HSPA4L: variants seen among roughly 807,000 people sequenced by gnomAD.
The protein encoded by HSPA4L is heat shock protein family A (Hsp70) member 4 like.
A neutral mutation model predicts 100.3 loss-of-function variants in HSPA4L; 48 were observed. That is an observed-to-expected ratio of 0.48 (90% CI 0.38 to 0.61). HSPA4L has a LOEUF of 0.61. Among genes scored for constraint, HSPA4L ranks in the 20% least tolerant of loss-of-function variants. HSPA4L has a pLI of 0.00. For missense variants in HSPA4L, 886 were observed against 988.6 expected (o/e 0.90, Z 1.39); for synonymous variants, 319 against 328.2 (o/e 0.97, Z 0.30).
rs1159989081 is a variant in HSPA4L, at chr4:127,832,952, C to A, written c.*78C>A. 4.8e-6 allele frequency: 5 copies of A among 1,043,438 alleles called. No homozygotes were observed. In the South Asian group the frequency reaches 6.2e-5, roughly 13 times the overall value. The allele number at this position is 1,043,438 out of a possible 1,614,324, so 64.6% of individuals were successfully genotyped here. On this transcript the variant is annotated 3_prime_UTR_variant, in exon 19 of 19. Coordinates refer to ENST00000296464, the MANE Select transcript of HSPA4L (RefSeq NM_014278.4). ...CATCTTTTACATCTGGTACACACAA[C>A]AGACGCTCAGTTGTTCTTAACCACT... is the stretch of plus-strand genomic sequence containing the variant.
chr4:127,815,900 C>A (rs904818547), intron 12 of HSPA4L, among the ~76,000 whole-genome samples: 2 of 152,082 alleles, frequency 1.3e-5, no homozygotes, highest in Admixed American at 1.3e-4. Flanking sequence ...CAAAAGGCAG[C>A]TTAAGGGTAA....
In HSPA4L at chr4:127,810,173, A is replaced by C. The variant is rs377039504; in HGVS notation, c.1379-1264A>C. ...AAGGAAAGTGAGAATAGGAGATTGTAATATCCATTTTAACTGAGTGAACTT... is the reference window on the plus strand; with the variant it reads ...AAGGAAAGTGAGAATAGGAGATTGTCATATCCATTTTAACTGAGTGAACTT... On this transcript the variant is annotated intron_variant, in intron 11 of 18. Coordinates refer to ENST00000296464, the MANE Select transcript of HSPA4L (RefSeq NM_014278.4). Among the ~76,000 whole-genome samples, 26 of 152,332 alleles carry C rather than the reference A, an allele frequency of 1.7e-4. No individual in the cohort carries two copies. The East Asian group carries it at 2.9e-3, about 17-fold the overall frequency.
chr4:127,796,467 C>CTTA (rs1346956201), intron 3 of HSPA4L, among the ~76,000 whole-genome samples: 1 of 151,906 alleles, frequency 6.6e-6, no homozygotes, highest in African/African-American at 2.4e-5. Context: ...CACTCCTGGG[C>CTTA]TTATACTCAA....
intron 15 of HSPA4L, 136 bp from the exon 16 acceptor site, chr4:127,823,381 T>C: frequency 5.0e-6 from 3 of 605,984 alleles, no homozygotes; most frequent in Non-Finnish European, 8.8e-6. Context: ...AGTTCTGGGC[T>C]CAAGCGATCC....
At chr4:127,787,138 T>C (rs573475826) in intron 1 of HSPA4L, among the ~76,000 whole-genome samples, 1 of 152,292 alleles carries the variant, frequency 6.6e-6, no homozygotes, top group South Asian at 2.1e-4. Context: ...TCTGGAAATA[T>C]GGGAAAATGC....
At chr4:127,786,908 G>A (rs1179524496) in intron 1 of HSPA4L, among the ~76,000 whole-genome samples, 1 of 152,166 alleles carries the variant, frequency 6.6e-6, no homozygotes, top group Non-Finnish European at 1.5e-5. Flanking sequence ...ATTAATAATG[G>A]ATAGATACTT....
chr4:127,831,313 C>T (rs1734074908), intron 18 of HSPA4L, among the ~76,000 whole-genome samples: 1 of 151,812 alleles, frequency 6.6e-6, no homozygotes, highest in Admixed American at 6.6e-5. Flanking sequence ...CCAGCATAAA[C>T]AACATGGTGA....
At position 127,811,044 on chromosome 4, in the gene HSPA4L, A is replaced by C. The variant is rs188187434; in HGVS notation, c.1379-393A>C. Among the ~76,000 whole-genome samples, 3 of 152,300 alleles carry C rather than the reference A, an allele frequency of 2.0e-5. No homozygotes were observed. In the East Asian group the frequency reaches 5.8e-4, roughly 29 times the overall value. ...AATTACCAAGATGGTTATGATTTGTAAAGCTTATATCAAAAAAAATCTATT... is the reference window on the plus strand; with the variant it reads ...AATTACCAAGATGGTTATGATTTGTCAAGCTTATATCAAAAAAAATCTATT... On this transcript the variant is annotated intron_variant, in intron 11 of 18. Transcript: ENST00000296464.
At chr4:127,805,018 C>A in intron 8 of HSPA4L, 55 bp from the exon 9 acceptor site, 1 of 1,214,686 alleles carries the variant, frequency 8.2e-7, no homozygotes, top group Non-Finnish European at 1.2e-6. Context: ...TCGACAAAGC[C>A]TTCTGTTGAG....
chr4:127,813,050 C>G, intron 12 of HSPA4L: 3 of 1,017,232 alleles, frequency 2.9e-6, no homozygotes, highest in Non-Finnish European at 4.6e-6. Flanking sequence ...TGGGGCATTC[C>G]TTTTTGAACA....
At chr4:127,783,823 T>C (rs1732637307) in intron 1 of HSPA4L, 2 of 684,392 alleles carry the variant, frequency 2.9e-6, no homozygotes, top group East Asian at 5.6e-5. Context: ...CAAAAAGATG[T>C]TGAAGAGTAG....
intron 1 of HSPA4L, among the ~76,000 whole-genome samples, chr4:127,784,864 A>T (rs984143172): frequency 6.6e-6 from 1 of 152,256 alleles, no homozygotes. Flanking sequence ...ACATAAATAA[A>T]ATGTTAGCTT....
intron 12 of HSPA4L, among the ~76,000 whole-genome samples, chr4:127,817,844 CTA>C (rs991924482): frequency 7.9e-5 from 12 of 151,900 alleles, no homozygotes; most frequent in African/African-American, 2.2e-4. Context: ...TGAATGTTCT[CTA>C]TTTTATTTAT....
chr4:127,823,277 T>C (rs1217749738), intron 15 of HSPA4L, among the ~76,000 whole-genome samples: 1 of 152,094 alleles, frequency 6.6e-6, no homozygotes, highest in Admixed American at 6.6e-5. Flanking sequence ...CCCTCATAAG[T>C]AGATGGGAAT....
In HSPA4L at chr4:127,798,641, C is replaced by T. The variant is rs966305092; in HGVS notation, c.361C>T (p.Leu121=). 9 of 1,613,500 alleles carry T rather than the reference C, an allele frequency of 5.6e-6. No individual in the cohort carries two copies. In the Admixed American group the frequency reaches 1.3e-4, roughly 24 times the overall value. Reference sequence around the variant, plus strand: ...TGCAATTGAGCAAGTTACTGGAATGCTGTTAGCCAAGCTTAAAGAGACTTC... The same window carrying T: ...TGCAATTGAGCAAGTTACTGGAATGTTGTTAGCCAAGCTTAAAGAGACTTC... The part of the protein sequence containing the change: ...PFAIEQVTGM[L]LAKLKETSEN... The change falls in exon 4 of 19, where the codon CTG becomes TTG. Residue 121 remains leucine, a synonymous_variant. Transcript: ENST00000296464.
In HSPA4L at chr4:127,834,632, G is replaced by A. The variant is rs1392223600; in HGVS notation, c.*1758G>A. On this transcript the variant is annotated 3_prime_UTR_variant, in exon 19 of 19. Transcript: ENST00000296464. ...ATGAAATACATTTTTTACAAACATAGATGCTTTTTATTTGTATGTTGAATG... is the reference window on the plus strand; with the variant it reads ...ATGAAATACATTTTTTACAAACATAAATGCTTTTTATTTGTATGTTGAATG... 1 of 152,108 alleles carries A rather than the reference G, an allele frequency of 6.6e-6. No individual in the cohort carries two copies. Among genetic ancestry groups the A allele is most frequent in the Non-Finnish European group, 1.5e-5 (1 of 68,004 alleles). 9.4% of individuals were successfully genotyped at this position (152,108 alleles called of 1,614,324 possible). A position where few individuals can be genotyped will look rare whatever the true frequency, so the allele number is the denominator to read the frequency against.
At chr4:127,790,461 A>G (rs1732842029) in intron 1 of HSPA4L, among the ~76,000 whole-genome samples, 1 of 152,232 alleles carries the variant, frequency 6.6e-6, no homozygotes, top group Non-Finnish European at 1.5e-5. Context: ...ATGTTGAATC[A>G]AGGAGTTATT....
In HSPA4L at chr4:127,830,754, T is replaced by C; in HGVS notation, c.2283T>C (p.Thr761=). Residue 761 remains threonine (T), a synonymous_variant, in exon 18 of 19, where the codon ACT becomes ACC. Transcript: ENST00000296464. ...KMNAQNKLSL[T]QDPVVKVSEI... ...ATGCACAGAACAAACTAAGTCTCAC[T>C]CAAGATCCTGTGGTAAAAGTTTCAG... 1 of 1,601,380 alleles carries C rather than the reference T, an allele frequency of 6.2e-7. No individual in the cohort carries two copies. The highest frequency in any genetic ancestry group is 8.5e-7 in the Non-Finnish European group (1 of 1,175,288).
At chr4:127,781,857 C>G (rs1334327146), upstream of HSPA4L, 4 of 283,716 alleles carry the variant, frequency 1.4e-5, no homozygotes, top group Non-Finnish European at 2.9e-5. Context: ...GCGGGCGAGC[C>G]CTTCTGAGGG....
Sources: gnomAD v4.1 joint callset for allele counts (sites outside exome capture counted in the v4.1 genomes callset) on GRCh38, gnomAD v4.1.1 for gene constraint, MANE v1.5 for transcripts, NCBI Gene and HGNC (gene_info 2026-07-23, HGNC 2026-07-21) for gene names.